The following OPHN1 variants were observed in gnomAD, a reference collection of about 807,000 sequenced individuals.
OPHN1 encodes the protein oligophrenin-1.
A neutral mutation model predicts 60.7 loss-of-function variants in OPHN1; 11 were observed. That is an observed-to-expected ratio of 0.18 (90% CI 0.11 to 0.30). The LOEUF is 0.30. Ranked by LOEUF, OPHN1 falls within the 10% of genes least tolerant of loss-of-function variation. The pLI, the probability that OPHN1 is intolerant of heterozygous loss-of-function variation, is 1.00. For synonymous variants in OPHN1, 226 were observed against 222.6 expected, an observed-to-expected ratio of 1.02 and a Z score of -0.14; for missense variants, 449 against 611.0, an observed-to-expected ratio of 0.73 and a Z score of 2.80.
intron 10 of OPHN1, among the ~76,000 whole-genome samples, chrX:68,205,442 C>T (rs1403037080): frequency 9.3e-6 from 1 of 106,956 alleles, no homozygotes; most frequent in Non-Finnish European, 1.9e-5. Flanking sequence ...GAGTGAAGCT[C>T]CATCGCAAAT....
chrX:68,276,325 C>G (rs2077991827), intron 4 of OPHN1, among the ~76,000 whole-genome samples: 1 of 111,658 alleles, frequency 9.0e-6, no homozygotes, highest in African/African-American at 3.3e-5. Flanking sequence ...TTAACATTCT[C>G]TTTATCTCTG....
intron 4 of OPHN1, among the ~76,000 whole-genome samples, chrX:68,275,975 C>A (rs1449506713): frequency 1.8e-5 from 2 of 110,922 alleles, no homozygotes; most frequent in African/African-American, 6.6e-5. Flanking sequence ...TGATCTACTG[C>A]AGCTCCTAAT....
chrX:68,128,643 A>G lies in OPHN1; in HGVS notation c.1277-9311T>C, dbSNP rs188335353. Among the ~76,000 whole-genome samples the G allele has an allele frequency of 4.5e-5, 5 of 112,357 alleles. No homozygotes were observed. The East Asian group carries it at 1.4e-3, about 31-fold the overall frequency. On this transcript the variant is annotated intron_variant, in intron 15 of 24. Transcript: ENST00000355520. ...AAAGACTAAATATTGCATGTTGTCA[A>G]CTTCATTCCAATTAATTAATAGATT...
At chrX:68,206,930 G>T (rs2147474647) in intron 9 of OPHN1, among the ~76,000 whole-genome samples, 1 of 110,397 alleles carries the variant, frequency 9.1e-6, no homozygotes, top group South Asian at 3.9e-4. Flanking sequence ...CCTATAAATT[G>T]TATCACCATA....
At chrX:68,183,274 G>A (rs111900106) in intron 15 of OPHN1, among the ~76,000 whole-genome samples, 2,712 of 111,721 alleles carry the variant, frequency 0.024, 72 homozygotes, top group African/African-American at 0.084. Flanking sequence ...ACTGTTTTGA[G>A]TAAGATGAGG....
In OPHN1 at chrX:68,097,602, G is replaced by A. The variant is rs1476760756; in HGVS notation, c.1527-573C>T. Among the ~76,000 whole-genome samples, 4 of 111,778 alleles carry A rather than the reference G, an allele frequency of 3.6e-5. No individual in the cohort carries two copies. In the East Asian group the frequency reaches 1.1e-3, roughly 32 times the overall value. ...GTCACAGTCAATTAGCTGTAGAGTA[G>A]AACGTGCAATCCCAGATTTTCTGAT... On this transcript the variant is annotated intron_variant, in intron 18 of 24. Transcript: ENST00000355520.
chrX:68,327,484 A>T (rs1372887725), intron 2 of OPHN1, among the ~76,000 whole-genome samples: 1 of 24,637 alleles, frequency 4.1e-5, no homozygotes, highest in Non-Finnish European at 6.6e-5. Flanking sequence ...CTTATCCCCA[A>T]CCCTGTGCTC....
At chrX:68,396,320 C>CTTGGAAGGCTGAT (rs2147761050) in intron 2 of OPHN1, among the ~76,000 whole-genome samples, 1 of 92,753 alleles carries the variant, frequency 1.1e-5, no homozygotes, top group South Asian at 6.1e-4. Flanking sequence ...GTCCCAGCTA[C>CTTGGAAGGCTGAT]TTGGAAGGCT....
intron 17 of OPHN1, 141 bp from the exon 18 acceptor site, chrX:68,112,100 C>T (rs769011794): frequency 2.7e-5 from 11 of 413,734 alleles, no homozygotes; most frequent in Admixed American, 2.2e-4. Context: ...GAGAGAGATT[C>T]GGAGAAAGAC....
intron 2 of OPHN1, among the ~76,000 whole-genome samples, chrX:68,430,629 C>T (rs2078881334): frequency 9.0e-6 from 1 of 110,879 alleles, no homozygotes; most frequent in Non-Finnish European, 1.9e-5. Flanking sequence ...TCAAGACCAG[C>T]CTGGCTAACG....
At chrX:68,080,364 C>T (rs999459363) in intron 19 of OPHN1, among the ~76,000 whole-genome samples, 12 of 112,066 alleles carry the variant, frequency 1.1e-4, no homozygotes, top group Admixed American at 1.0e-3. Context: ...CCAGAGTGAT[C>T]TATACACAGA....
At chrX:68,283,017 C>T (rs2078025863) in intron 4 of OPHN1, 39 bp downstream of exon 4, 4 of 1,081,448 alleles carry the variant, frequency 3.7e-6, no homozygotes, top group African/African-American at 1.8e-5. Context: ...CCCTATATCA[C>T]CCATGAACTC....
chrX:68,226,125 T>C (rs1463832861), intron 6 of OPHN1, among the ~76,000 whole-genome samples: 6 of 111,569 alleles, frequency 5.4e-5, no homozygotes, highest in Non-Finnish European at 5.6e-5. Flanking sequence ...GAAGAAACGG[T>C]ATCAGTGATG....
chrX:68,252,574 G>T (rs1416529425), intron 5 of OPHN1, among the ~76,000 whole-genome samples: 1 of 111,940 alleles, frequency 8.9e-6, no homozygotes, highest in African/African-American at 3.2e-5. Flanking sequence ...TCATAGAGTT[G>T]TCGAAAGGCT....
chrX:68,257,771 G>C lies in OPHN1; in HGVS notation c.384+16967C>G, dbSNP rs137966583. Among the ~76,000 whole-genome samples the C allele has an allele frequency of 2.5e-3, 277 of 111,020 alleles. 1 individual carries two copies. Among genetic ancestry groups the C allele is most frequent in the Middle Eastern group, 9.3e-3 (2 of 216 alleles). On this transcript the variant is annotated intron_variant, in intron 5 of 24. Transcript: ENST00000355520. ...CTACACGTTGCTAGAAGCTATTGTAGTGGAAAACTCAGATATAGAACATTT... is the reference window on the plus strand; with the variant it reads ...CTACACGTTGCTAGAAGCTATTGTACTGGAAAACTCAGATATAGAACATTT...
chrX:68,389,910 CT>C (rs2078645367), intron 2 of OPHN1, among the ~76,000 whole-genome samples: 2 of 111,472 alleles, frequency 1.8e-5, no homozygotes, highest in African/African-American at 6.5e-5. Context: ...ATACTTGAGA[CT>C]GGGTAATTTA....
intron 21 of OPHN1, among the ~76,000 whole-genome samples, chrX:68,060,662 A>G (rs2076889552): frequency 8.9e-6 from 1 of 112,376 alleles, no homozygotes; most frequent in Admixed American, 9.4e-5. Context: ...TGTTAAGTCA[A>G]TGCAAGGGGT....
At chrX:68,061,479 C>T (rs1247338503) in intron 21 of OPHN1, among the ~76,000 whole-genome samples, 1 of 111,332 alleles carries the variant, frequency 9.0e-6, no homozygotes, top group South Asian at 3.9e-4. Flanking sequence ...ACCTTCTACC[C>T]AGATTGATAG....
At chrX:68,162,254 G>C (rs2147404175) in intron 15 of OPHN1, among the ~76,000 whole-genome samples, 1 of 110,090 alleles carries the variant, frequency 9.1e-6, no homozygotes, top group African/African-American at 3.3e-5. Context: ...TATGTGAAGG[G>C]GTATGCAGGA....
Sources: gnomAD v4.1 joint callset for allele counts (sites outside exome capture counted in the v4.1 genomes callset) on GRCh38, gnomAD v4.1.1 for gene constraint, MANE v1.5 for transcripts, NCBI Gene and HGNC (gene_info 2026-07-23, HGNC 2026-07-21) for gene names.